Variants in DAOA observed in about 807,000 individuals in gnomAD.
DAOA encodes D-amino acid oxidase activator, also known as D-amino acid oxidase regulator.
Under a neutral mutation model 16.4 loss-of-function variants are expected in DAOA, and 15 were observed. The ratio of observed to expected loss-of-function variants is 0.91; its 90% CI spans 0.61 to 1.41. DAOA has a LOEUF of 1.41. Among genes scored for constraint, DAOA ranks in the 40% most tolerant of loss-of-function variants. The pLI is 0.00. For missense variants in DAOA, 230 were observed against 176.8 expected (o/e 1.30, Z -1.71); for synonymous variants, 75 against 59.1 (o/e 1.27, Z -1.23).
At chr13:105,468,952 GA>G (rs1876732280) in intron 3 of DAOA, among the ~76,000 whole-genome samples, 1 of 152,216 alleles carries the variant, frequency 6.6e-6, no homozygotes, top group Non-Finnish European at 1.5e-5. Flanking sequence ...ACATGAACAT[GA>G]AATGTGGGAA....
At chr13:105,476,813 C>T (rs1193616223) in intron 4 of DAOA, among the ~76,000 whole-genome samples, 1 of 146,896 alleles carries the variant, frequency 6.8e-6, no homozygotes, top group African/African-American at 2.5e-5. Flanking sequence ...CAGTCCCTGC[C>T]TCAGTTTCTC....
intron 4 of DAOA, among the ~76,000 whole-genome samples, chr13:105,483,678 C>A (rs897510549): frequency 6.6e-6 from 1 of 151,150 alleles, no homozygotes; most frequent in Non-Finnish European, 1.5e-5. Flanking sequence ...AGCTTTTGCT[C>A]ATTTTTATTT....
At chr13:105,472,408 C>A in intron 3 of DAOA, 130 bp from the exon 4 acceptor site, 1 of 1,323,008 alleles carries the variant, frequency 7.6e-7, no homozygotes, top group Non-Finnish European at 1.0e-6. Flanking sequence ...TTGTCTTAAC[C>A]AAAAACCTCT....
At chr13:105,480,518 GGATAGATACATAGATA>G (rs1233841246) in intron 4 of DAOA, among the ~76,000 whole-genome samples, 2 of 140,992 alleles carry the variant, frequency 1.4e-5, no homozygotes, top group African/African-American at 5.3e-5. Flanking sequence ...ATGGATGGAT[GGATAGATACATAGATA>G]GATAGATAGA....
At chr13:105,473,296 C>CT (rs1303341278) in intron 4 of DAOA, among the ~76,000 whole-genome samples, 1 of 151,914 alleles carries the variant, frequency 6.6e-6, no homozygotes, top group African/African-American at 2.4e-5. Flanking sequence ...TGCTATCTAT[C>CT]TTTTTTTGCC....
At chr13:105,467,181 T>C (rs1876584766) in intron 3 of DAOA, 40 bp downstream of exon 3, 1 of 1,535,012 alleles carries the variant, frequency 6.5e-7, no homozygotes. Context: ...TAAATTCTTC[T>C]AGAAGTTAGA....
chr13:105,489,902 C>A lies in DAOA; in HGVS notation c.283C>A (p.Leu95Ile), dbSNP rs1429617930. 2.5e-6 allele frequency: 4 copies of A among 1,613,734 alleles called. No individual in the cohort carries two copies. The highest frequency in any genetic ancestry group is 3.4e-6 in the Non-Finnish European group (4 of 1,179,872). Residue 95 changes from leucine (L) to isoleucine (I), a missense_variant and splice_region_variant, in exon 5 of 6, where the codon CTT becomes ATT. Physicochemically the swap from Leu to Ile is conservative, Grantham distance 5. Coordinates refer to ENST00000375936, the MANE Select transcript of DAOA (RefSeq NM_172370.5). Reference protein sequence around the residue: ...VSYLPQPYAELEEVSSHVGKV... With the variant: ...VSYLPQPYAEIEEVSSHVGKV... ...AACTGAGACCGGATCTCCTTACAGGCTTGAAGAAGTAAGCAGCCATGTTGG... is the reference window on the plus strand; with the variant it reads ...AACTGAGACCGGATCTCCTTACAGGATTGAAGAAGTAAGCAGCCATGTTGG...
At chr13:105,467,030 C>T (rs776183845) in intron 2 of DAOA, 23 bp from the exon 3 acceptor site, 1 of 1,605,698 alleles carries the variant, frequency 6.2e-7, no homozygotes, top group South Asian at 1.1e-5. Flanking sequence ...CTGAACACGA[C>T]TGATATTTTC....
intron 3 of DAOA, among the ~76,000 whole-genome samples, chr13:105,469,944 A>G (rs1318791268): frequency 1.3e-5 from 2 of 152,028 alleles, no homozygotes; most frequent in Non-Finnish European, 2.9e-5. Flanking sequence ...TTCCATATTG[A>G]GGGCTATTTT....
At position 105,466,109 on chromosome 13, in the gene DAOA, C is replaced by G; in HGVS notation, c.-74+49C>G. ...ATAACAGTGAGCAAGTTTATCAGCTCCTGCATGGCAGTGTTCTGATGATCT... is the reference window on the plus strand; with the variant it reads ...ATAACAGTGAGCAAGTTTATCAGCTGCTGCATGGCAGTGTTCTGATGATCT... On this transcript the variant is annotated intron_variant, in intron 1 of 5. Coordinates refer to ENST00000375936, the MANE Select transcript of DAOA (RefSeq NM_172370.5). The G allele has an allele frequency of 4.7e-6, 4 of 855,028 alleles. No individual in the cohort carries two copies. In the South Asian group the frequency reaches 8.6e-5, roughly 18 times the overall value. The allele number at this position is 855,028 out of a possible 1,614,324, so 53.0% of individuals were successfully genotyped here. A position where few individuals can be genotyped will look rare whatever the true frequency, so the allele number is the denominator to read the frequency against.
chr13:105,480,773 T>C (rs1877684811), intron 4 of DAOA, among the ~76,000 whole-genome samples: 1 of 152,118 alleles, frequency 6.6e-6, no homozygotes, highest in Non-Finnish European at 1.5e-5. Context: ...AGTGGAGTTC[T>C]GTTGTCCAAG....
intron 4 of DAOA, among the ~76,000 whole-genome samples, chr13:105,489,457 A>T (rs916711393): frequency 6.6e-6 from 1 of 152,314 alleles, no homozygotes; most frequent in African/African-American, 2.4e-5. Flanking sequence ...ATATTCCAGG[A>T]ATTGTTTTGC....
Position 105,470,697 on chromosome 13 carries a change from C to T in DAOA, c.134-1841C>T, listed in dbSNP as rs143576233. Among the ~76,000 whole-genome samples, 603 of 152,230 alleles carry T rather than the reference C, an allele frequency of 4.0e-3. 5 individuals carry two copies. Among genetic ancestry groups the T allele is most frequent in the African/African-American group, 0.014 (571 of 41,548 alleles). ...CCATCTGGGCTCACTGCAACCTCTGCGTCCTGGGTTCAAGCAATTCTCCTG... is the reference window on the plus strand; with the variant it reads ...CCATCTGGGCTCACTGCAACCTCTGTGTCCTGGGTTCAAGCAATTCTCCTG... On this transcript the variant is annotated intron_variant, in intron 3 of 5. Coordinates refer to ENST00000375936, the MANE Select transcript of DAOA (RefSeq NM_172370.5).
intron 4 of DAOA, among the ~76,000 whole-genome samples, chr13:105,479,627 G>T (rs1413430034): frequency 6.6e-6 from 1 of 152,098 alleles, no homozygotes; most frequent in African/African-American, 2.4e-5. Context: ...CTGTGGCTCT[G>T]CTCCTCTTCC....
chr13:105,471,000 T>G (rs56838200), intron 3 of DAOA, among the ~76,000 whole-genome samples: 8,313 of 152,074 alleles, frequency 0.055, 286 homozygotes, highest in Non-Finnish European at 0.077. Flanking sequence ...GTGTTAGCCA[T>G]GATGGTCTTG....
At chr13:105,476,039 A>G (rs1458096005) in intron 4 of DAOA, among the ~76,000 whole-genome samples, 1 of 152,174 alleles carries the variant, frequency 6.6e-6, no homozygotes, top group Non-Finnish European at 1.5e-5. Flanking sequence ...CTATTAAAAT[A>G]ACTCTAAACA....
chr13:105,490,459 TG>T (rs917078889), intron 5 of DAOA: 1 of 152,678 alleles, frequency 6.5e-6, no homozygotes, highest in African/African-American at 2.4e-5. Context: ...TGAATTTATG[TG>T]GGAAAATATT....
At chr13:105,470,729 C>A (rs1242043341) in intron 3 of DAOA, among the ~76,000 whole-genome samples, 1 of 152,134 alleles carries the variant, frequency 6.6e-6, no homozygotes, top group Non-Finnish European at 1.5e-5. Flanking sequence ...CCTGCCTCAG[C>A]CTCCCAAGCA....
intron 3 of DAOA, chr13:105,467,799 T>C (rs1876639062): frequency 6.7e-6 from 1 of 150,144 alleles, no homozygotes; most frequent in Non-Finnish European, 1.5e-5. Context: ...CTATAGCAGA[T>C]AACTTAAAAT....
Sources: allele counts gnomAD v4.1 joint callset (sites outside exome capture counted in the v4.1 genomes callset), GRCh38; gene constraint gnomAD v4.1.1; transcripts MANE v1.5; gene names NCBI Gene and HGNC (gene_info 2026-07-23, HGNC 2026-07-21).